ZFHX3: variants seen among roughly 807,000 people sequenced by gnomAD.
ZFHX3 encodes zinc finger homeobox protein 3.
Under a neutral mutation model 279.1 loss-of-function variants are expected in ZFHX3, and 42 were observed. The observed-to-expected ratio is 0.15, with a 90% CI of 0.12 to 0.19. ZFHX3 has a LOEUF of 0.19. Among genes scored for constraint, ZFHX3 ranks in the 10% least tolerant of loss-of-function variants. The pLI, the probability that ZFHX3 is intolerant of heterozygous loss-of-function variation, is 1.00. For missense variants in ZFHX3, 4,981 were observed against 4,754.0 expected (o/e 1.05, Z -1.40); for synonymous variants, 2,293 against 1,957.8 (o/e 1.17, Z -4.52).
At chr16:72,938,980 CTTCGGAGTCACACT>C (rs1960270915) in intron 3 of ZFHX3, among the ~76,000 whole-genome samples, 1 of 151,598 alleles carries the variant, frequency 6.6e-6, no homozygotes, top group Non-Finnish European at 1.5e-5. Context: ...GCACAGCTGG[CTTCGGAGTCACACT>C]TGCTGACTCA....
upstream of ZFHX3, chr16:73,061,969 G>A (rs1965689799): frequency 6.6e-6 from 1 of 152,002 alleles, no homozygotes; most frequent in Non-Finnish European, 1.5e-5. Flanking sequence ...AAATACTTAT[G>A]CTAATTTTAC....
At chr16:73,030,556 C>T (rs1347852658) in intron 1 of ZFHX3, among the ~76,000 whole-genome samples, 1 of 151,986 alleles carries the variant, frequency 6.6e-6, no homozygotes, top group Non-Finnish European at 1.5e-5. Context: ...AAAGTGTCTA[C>T]AGCTCTATTG....
chr16:73,615,600 A>G (rs879783963), intron 2 of ZFHX3, among the ~76,000 whole-genome samples: 5 of 152,174 alleles, frequency 3.3e-5, no homozygotes, highest in Non-Finnish European at 5.9e-5. Context: ...CAAATCCCAA[A>G]TTGAAGAGAG....
chr16:73,227,188 A>G (rs2012621719), intron 5 of ZFHX3, among the ~76,000 whole-genome samples: 1 of 152,234 alleles, frequency 6.6e-6, no homozygotes, highest in South Asian at 2.1e-4. Flanking sequence ...AAATGAGGAG[A>G]TAATAAAGTA....
At chr16:72,822,787 G>T (rs1041607687) in intron 5 of ZFHX3, among the ~76,000 whole-genome samples, 1 of 138,906 alleles carries the variant, frequency 7.2e-6, no homozygotes, top group African/African-American at 2.7e-5. Context: ...AACACTTCTA[G>T]AAAGTGAGTT....
At chr16:73,885,475 T>C (rs1255816456) in intron 1 of ZFHX3, among the ~76,000 whole-genome samples, 1 of 152,166 alleles carries the variant, frequency 6.6e-6, no homozygotes, top group Non-Finnish European at 1.5e-5. Flanking sequence ...AAATGAGCCT[T>C]TCTAGATCTC....
rs564977900 is a variant in ZFHX3 at position 73,554,347 on chromosome 16, T to C, written c.-1546-98089A>G. 3.6e-4 allele frequency: 55 copies of C among 152,330 alleles called. 2 individuals carry two copies. Among genetic ancestry groups the C allele is most frequent in the African/African-American group, 1.3e-3 (54 of 41,566 alleles). 9.4% of individuals were successfully genotyped at this position (152,330 alleles called of 1,614,324 possible). A position where few individuals can be genotyped will look rare whatever the true frequency, so the allele number is the denominator to read the frequency against. On this transcript the variant is annotated intron_variant, in intron 2 of 17. Coordinates refer to the ZFHX3 transcript ENST00000641206. ...GCAGCCATTTCTTTACTCTGGATGG[T>C]TAAGAAAAAGCCAGGAATAACATGA...
intron 4 of ZFHX3, among the ~76,000 whole-genome samples, chr16:72,839,807 G>A (rs898303892): frequency 6.6e-6 from 1 of 152,148 alleles, no homozygotes; most frequent in Non-Finnish European, 1.5e-5. Flanking sequence ...CTTCCCTGAT[G>A]GGGTACCCGT....
chr16:73,375,921 A>T (rs7202737), intron 3 of ZFHX3, among the ~76,000 whole-genome samples: 18,857 of 152,216 alleles, frequency 0.12, 1,219 homozygotes, highest in Middle Eastern at 0.14. Flanking sequence ...CACTGGATAC[A>T]CCGTTGGGTT....
intron 1 of ZFHX3, among the ~76,000 whole-genome samples, chr16:73,002,711 T>A (rs574706933): frequency 6.6e-6 from 1 of 152,318 alleles, no homozygotes; most frequent in African/African-American, 2.4e-5. Flanking sequence ...AAGGACATTT[T>A]GTGAAGCATC....
upstream of ZFHX3, among the ~76,000 whole-genome samples, chr16:73,064,000 G>A (rs993846917): frequency 6.6e-6 from 1 of 152,132 alleles, no homozygotes; most frequent in Non-Finnish European, 1.5e-5. Flanking sequence ...GTAGGGATGC[G>A]CACCGTGCCC....
At position 73,763,190 on chromosome 16, in the gene ZFHX3, C is replaced by A. The variant is rs577228093; in HGVS notation, c.-1607-82950G>T. Among the ~76,000 whole-genome samples the A allele has an allele frequency of 1.8e-3, 272 of 151,044 alleles. 1 individual carries two copies. The highest frequency in any genetic ancestry group is 5.9e-3 in the African/African-American group (243 of 41,206). ...TGTTTAAAATGTTATTTCCTAATTA[C>A]AAAAAAAAATTATCCCTCTTGGCAA... is the stretch of plus-strand genomic sequence containing the variant. On this transcript the variant is annotated intron_variant, in intron 1 of 17. Transcript: ENST00000641206.
intron 2 of ZFHX3, among the ~76,000 whole-genome samples, chr16:73,657,887 T>C (rs1035516200): frequency 6.6e-6 from 1 of 152,238 alleles, no homozygotes; most frequent in Non-Finnish European, 1.5e-5. Context: ...TTTTGACTGC[T>C]ATGAAAAATG....
At chr16:73,473,355 AAACAAAAAAAAAAAAAAC>A (rs1394056053) in intron 2 of ZFHX3, among the ~76,000 whole-genome samples, 25 of 49,976 alleles carry the variant, frequency 5.0e-4, no homozygotes, top group African/African-American at 1.6e-3. Flanking sequence ...AAAAAAAAAA[AAACAAAAAAAAAAAAAAC>A]AAAATAATAA....
intron 3 of ZFHX3, among the ~76,000 whole-genome samples, chr16:73,363,625 A>G (rs1362986625): frequency 6.6e-6 from 1 of 152,204 alleles, no homozygotes; most frequent in Non-Finnish European, 1.5e-5. Context: ...GGAAAAACAC[A>G]ATTAAACTAT....
rs1029608481 is a variant in ZFHX3 at position 73,296,085 on chromosome 16, T to C, written c.-1194+22155A>G. ...TTACAATCCCGTGTGTGTGTGTGTGTGTGTGTGTGTGTGTGTGTCTGTGTT... is the reference window on the plus strand; with the variant it reads ...TTACAATCCCGTGTGTGTGTGTGTGCGTGTGTGTGTGTGTGTGTCTGTGTT... On this transcript the variant is annotated intron_variant, in intron 4 of 17. Transcript: ENST00000641206. Among the ~76,000 whole-genome samples the C allele has an allele frequency of 2.0e-4, 30 of 152,052 alleles. No homozygotes were observed. In the South Asian group the frequency reaches 5.0e-3, roughly 25 times the overall value.
At chr16:73,000,908 T>A (rs955244511) in intron 1 of ZFHX3, among the ~76,000 whole-genome samples, 2 of 152,204 alleles carry the variant, frequency 1.3e-5, no homozygotes, top group African/African-American at 4.8e-5. Context: ...ATGAAGCTGT[T>A]CCTGACACTT....
intron 4 of ZFHX3, among the ~76,000 whole-genome samples, chr16:72,877,830 C>T (rs535433065): frequency 2.6e-5 from 4 of 152,310 alleles, no homozygotes; most frequent in Non-Finnish European, 5.9e-5. Context: ...GGAGACATGG[C>T]GCCTCTATTT....
At chr16:73,376,162 C>G (rs138184525) in intron 3 of ZFHX3, among the ~76,000 whole-genome samples, 39 of 152,244 alleles carry the variant, frequency 2.6e-4, no homozygotes, top group Middle Eastern at 3.4e-3. Context: ...ACAATACAGA[C>G]AGCTGCCTTT....
Sources: gnomAD v4.1 joint callset for allele counts (sites outside exome capture counted in the v4.1 genomes callset) on GRCh38, gnomAD v4.1.1 for gene constraint, MANE v1.5 for transcripts, NCBI Gene and HGNC (gene_info 2026-07-23, HGNC 2026-07-21) for gene names.